ATXN1: variants seen among roughly 807,000 people sequenced by gnomAD.
ATXN1 encodes ataxin 1.
A neutral mutation model predicts 56.4 loss-of-function variants in ATXN1; 8 were observed. The observed-to-expected ratio is 0.14, with a 90% confidence interval of 0.08 to 0.26. The LOEUF (loss-of-function observed/expected upper bound fraction) is 0.26. Ranked by LOEUF, ATXN1 falls within the 10% of genes least tolerant of loss-of-function variation. The pLI, the probability that ATXN1 is intolerant of heterozygous loss-of-function variation, is 1.00. For synonymous variants in ATXN1, 514 were observed against 494.6 expected (o/e 1.04, Z -0.52); for missense variants, 987 against 1,106.5 (o/e 0.89, Z 1.53).
intron 2 of ATXN1, among the ~76,000 whole-genome samples, chr6:16,749,446 T>C (rs560185622): frequency 6.6e-6 from 1 of 152,340 alleles, no homozygotes; most frequent in Admixed American, 6.5e-5. Flanking sequence ...AGCATTCATT[T>C]TTATACACAC....
chr6:16,596,277 T>C lies in ATXN1; in HGVS notation c.-488-10370A>G, dbSNP rs535453275. ...CTCCCAAAGTGCTGGATAACAGGTG[T>C]GGCCACCGTGCCCAGCCTCAGACCT... On this transcript the variant is annotated intron_variant, in intron 3 of 7. Coordinates refer to ENST00000436367, the MANE Select transcript of ATXN1 (RefSeq NM_001128164.2). 1.1e-4 allele frequency among the ~76,000 whole-genome samples: 16 copies of C among 152,278 alleles called. No individual in the cohort carries two copies. The East Asian group carries it at 1.9e-3, about 18-fold the overall frequency.
At chr6:16,466,837 C>T (rs1440793259) in intron 6 of ATXN1, among the ~76,000 whole-genome samples, 1 of 152,128 alleles carries the variant, frequency 6.6e-6, no homozygotes, top group African/African-American at 2.4e-5. Flanking sequence ...AATTTCTCTT[C>T]AAGCTATTAC....
intron 2 of ATXN1, among the ~76,000 whole-genome samples, chr6:16,723,261 T>C (rs904848489): frequency 2.0e-4 from 30 of 152,308 alleles, no homozygotes; most frequent in Admixed American, 1.2e-3. Context: ...TTTTCCTACT[T>C]TTAAGTTTCC....
At chr6:16,688,577 G>A (rs571932810) in intron 2 of ATXN1, among the ~76,000 whole-genome samples, 1 of 152,294 alleles carries the variant, frequency 6.6e-6, no homozygotes, top group South Asian at 2.1e-4. Flanking sequence ...AATAACTTTT[G>A]ACAAGCTGTA....
At chr6:16,549,512 C>T (rs1000134740) in intron 4 of ATXN1, among the ~76,000 whole-genome samples, 4 of 152,142 alleles carry the variant, frequency 2.6e-5, no homozygotes, top group Admixed American at 6.5e-5. Context: ...GTGAGGGAAG[C>T]GGAACCAGCT....
intron 2 of ATXN1, among the ~76,000 whole-genome samples, chr6:16,711,588 T>TA (rs56970591): frequency 0.56 from 82,829 of 146,852 alleles, 23,388 homozygotes; most frequent in South Asian, 0.67. Context: ...GTTCACAAAA[T>TA]AAAAAAAAAA....
chr6:16,417,579 C>T (rs1190165117), intron 6 of ATXN1, among the ~76,000 whole-genome samples: 4 of 151,976 alleles, frequency 2.6e-5, no homozygotes, highest in Non-Finnish European at 4.4e-5. Flanking sequence ...GCTAGGACTA[C>T]AGGCGCCCAC....
At chr6:16,401,471 G>A (rs1758568526) in intron 6 of ATXN1, among the ~76,000 whole-genome samples, 1 of 152,158 alleles carries the variant, frequency 6.6e-6, no homozygotes, top group South Asian at 2.1e-4. Flanking sequence ...GCTGGGTGTG[G>A]TACATGTGCC....
chr6:16,330,426 G>A (rs940256608), intron 6 of ATXN1, among the ~76,000 whole-genome samples: 18 of 121,848 alleles, frequency 1.5e-4, no homozygotes, highest in Middle Eastern at 7.9e-3. Context: ...GTCTTGCTTC[G>A]TTGCTCAGAC....
intron 6 of ATXN1, among the ~76,000 whole-genome samples, chr6:16,424,901 CTCT>C (rs1180647072): frequency 6.6e-6 from 1 of 152,236 alleles, no homozygotes. Flanking sequence ...GTTGCGTCTC[CTCT>C]GAGGACCTTC....
chr6:16,381,355 G>A (rs114024521), intron 6 of ATXN1, among the ~76,000 whole-genome samples: 113 of 152,256 alleles, frequency 7.4e-4, no homozygotes, highest in African/African-American at 2.6e-3. Flanking sequence ...GAGTGACAGA[G>A]CCACATGCTA....
chr6:16,309,452 G>A (rs1291443782), intron 7 of ATXN1, among the ~76,000 whole-genome samples: 1 of 151,954 alleles, frequency 6.6e-6, no homozygotes, highest in African/African-American at 2.4e-5. Context: ...GGTCAATATG[G>A]AGGAGAGGGT....
At chr6:16,724,810 T>C (rs1360832600) in intron 2 of ATXN1, among the ~76,000 whole-genome samples, 1 of 152,214 alleles carries the variant, frequency 6.6e-6, no homozygotes, top group African/African-American at 2.4e-5. Context: ...CTTTATAATT[T>C]GACATATTTT....
chr6:16,581,230 CGT>C (rs1211990167), intron 4 of ATXN1, among the ~76,000 whole-genome samples: 2,669 of 127,638 alleles, frequency 0.021, 47 homozygotes, highest in East Asian at 0.099. Context: ...TGTGTGCGCG[CGT>C]GTGTGTGTGT....
At chr6:16,709,987 A>C (rs1759488596) in intron 2 of ATXN1, among the ~76,000 whole-genome samples, 2 of 152,208 alleles carry the variant, frequency 1.3e-5, no homozygotes, top group Non-Finnish European at 1.5e-5. Context: ...GAACTGCACA[A>C]AATTCAACAC....
chr6:16,398,175 C>T (rs531107700), intron 6 of ATXN1, among the ~76,000 whole-genome samples: 47 of 152,292 alleles, frequency 3.1e-4, no homozygotes, highest in African/African-American at 1.1e-3. Flanking sequence ...CCCACATCTA[C>T]GTTTACAAAT....
At chr6:16,354,327 G>A (rs184747315) in intron 6 of ATXN1, among the ~76,000 whole-genome samples, 163 of 151,738 alleles carry the variant, frequency 1.1e-3, no homozygotes, top group African/African-American at 3.7e-3. Flanking sequence ...GTGCAATCTC[G>A]GCTCACTGCA....
chr6:16,671,309 CTTTTTT>C (rs1004376884), intron 2 of ATXN1, among the ~76,000 whole-genome samples: 1 of 29,706 alleles, frequency 3.4e-5, no homozygotes, highest in Non-Finnish European at 8.3e-5. Flanking sequence ...TCTTTTCTTT[CTTTTTT>C]TTTTTTTTTG....
chr6:16,606,467 T>A (rs1209591957), intron 3 of ATXN1, among the ~76,000 whole-genome samples: 1 of 151,962 alleles, frequency 6.6e-6, no homozygotes, highest in Non-Finnish European at 1.5e-5. Flanking sequence ...CAGGGGATAA[T>A]GGGCAGCCCT....
Sources: gnomAD v4.1 joint callset for allele counts (sites outside exome capture counted in the v4.1 genomes callset) on GRCh38, gnomAD v4.1.1 for gene constraint, MANE v1.5 for transcripts, NCBI Gene and HGNC (gene_info 2026-07-23, HGNC 2026-07-21) for gene names.